KIAA1549L: variants seen among roughly 807,000 people sequenced by gnomAD.
The protein encoded by KIAA1549L is KIAA1549 like, also known as UPF0606 protein KIAA1549L.
Under a neutral mutation model 160.7 loss-of-function variants are expected in KIAA1549L, and 88 were observed. That is an observed-to-expected ratio of 0.55 (90% CI 0.46 to 0.65). The LOEUF (loss-of-function observed/expected upper bound fraction) is 0.65, where lower values mean the gene tolerates loss of function less well. KIAA1549L is among the 30% of genes least tolerant of loss of function. The pLI, the probability that KIAA1549L is intolerant of heterozygous loss-of-function variation, is 0.00. For missense variants in KIAA1549L, 2,258 were observed against 2,437.5 expected, an observed-to-expected ratio of 0.93 and a Z score of 1.55; for synonymous variants, 950 against 976.7, an observed-to-expected ratio of 0.97 and a Z score of 0.51.
intron 14 of KIAA1549L, among the ~76,000 whole-genome samples, 162 bp from the exon 15 acceptor site, chr11:33,609,587 T>G (rs936792811): frequency 6.6e-6 from 1 of 152,188 alleles, no homozygotes; most frequent in African/African-American, 2.4e-5. Context: ...TCTACTGTTG[T>G]GGGCTTGTCT....
At chr11:33,660,577 G>A (rs57215481) in intron 19 of KIAA1549L, among the ~76,000 whole-genome samples, 2 of 148,978 alleles carry the variant, frequency 1.3e-5, no homozygotes, top group East Asian at 4.0e-4. Context: ...AAAAAAAAAA[G>A]AAAGAAGACC....
At chr11:33,625,403 T>C (rs955785936) in intron 16 of KIAA1549L, among the ~76,000 whole-genome samples, 9 of 152,278 alleles carry the variant, frequency 5.9e-5, no homozygotes, top group Admixed American at 3.3e-4. Flanking sequence ...TATTTCTCCA[T>C]ATCCTCTCCA....
rs1338981058 is a variant in KIAA1549L, at chr11:33,407,246, G to A, written c.238+30357G>A. On this transcript the variant is annotated intron_variant, in intron 1 of 20. Coordinates refer to ENST00000658780, the MANE Select transcript of KIAA1549L (RefSeq NM_012194.3). ...ACTACAGGCGCCTGCCACCACGCCC[G>A]GCTAATTTTTTGTATTTTTAGTAGA... 4.8e-4 allele frequency among the ~76,000 whole-genome samples: 72 copies of A among 150,510 alleles called. 1 individual carries two copies. In the South Asian group the frequency reaches 0.013, roughly 28 times the overall value.
intron 1 of KIAA1549L, among the ~76,000 whole-genome samples, chr11:33,513,669 C>T (rs1014220652): frequency 2.6e-5 from 4 of 152,184 alleles, no homozygotes; most frequent in African/African-American, 7.2e-5. Flanking sequence ...CACAACTAGC[C>T]GCAGCTCTCT....
In KIAA1549L at chr11:33,409,725, A is replaced by G. The variant is rs529541018; in HGVS notation, c.238+32836A>G. 5.4e-4 allele frequency among the ~76,000 whole-genome samples: 81 copies of G among 150,270 alleles called. No individual in the cohort carries two copies. The South Asian group carries it at 0.015, about 28-fold the overall frequency. On this transcript the variant is annotated intron_variant, in intron 1 of 20. Coordinates refer to ENST00000658780, the MANE Select transcript of KIAA1549L (RefSeq NM_012194.3). ...CATCCATCCCCTTTCTCAATTTAAA[A>G]TGAAAACCCTACAGCTTGCTTTTCT... is the stretch of plus-strand genomic sequence containing the variant.
chr11:33,542,192 C>G lies in KIAA1549L; in HGVS notation c.629C>G (p.Ser210Ter), dbSNP rs1854042685. 1 of 646,332 alleles carries G rather than the reference C, an allele frequency of 1.5e-6. No individual in the cohort carries two copies. The highest frequency in any genetic ancestry group is 2.4e-4 in the Middle Eastern group (1 of 4,104). The allele number at this position is 646,332 out of a possible 1,614,324, so 40.0% of individuals were successfully genotyped here. A position where few individuals can be genotyped will look rare whatever the true frequency, so the allele number is the denominator to read the frequency against. Residue 210 changes from serine (S) to a stop codon, truncating the protein, a stop_gained, in exon 2 of 21, where the codon TCA becomes TGA. Transcript: ENST00000658780. LOFTEE classifies it high-confidence loss of function. ...SMLPSLSTVP[S>*]GTSFSAVPPS... is the part of the protein sequence containing the mutation. ...CTCCCCTCGTTGTCCACAGTCCCAT[C>G]AGGGACATCCTTCAGTGCTGTCCCC...
At chr11:33,621,949 A>G (rs1379052087) in intron 16 of KIAA1549L, among the ~76,000 whole-genome samples, 2 of 152,238 alleles carry the variant, frequency 1.3e-5, no homozygotes, top group Non-Finnish European at 2.9e-5. Context: ...TGAATGAAGT[A>G]GGGACTTTTA....
intron 1 of KIAA1549L, among the ~76,000 whole-genome samples, chr11:33,390,811 C>A (rs1386311327): frequency 6.6e-6 from 1 of 152,128 alleles, no homozygotes; most frequent in African/African-American, 2.4e-5. Flanking sequence ...GCCAATTTTC[C>A]TTGTATAAAT....
intron 1 of KIAA1549L, among the ~76,000 whole-genome samples, chr11:33,428,825 A>G (rs1851172598): frequency 6.6e-6 from 1 of 152,202 alleles, no homozygotes; most frequent in African/African-American, 2.4e-5. Flanking sequence ...CAGTAGTGGG[A>G]TCGCTGGGTC....
At chr11:33,428,378 T>C (rs1851163250) in intron 1 of KIAA1549L, among the ~76,000 whole-genome samples, 1 of 152,232 alleles carries the variant, frequency 6.6e-6, no homozygotes. Context: ...TATGTATACA[T>C]GTGCCATTTG....
chr11:33,434,832 T>C (rs1169147869), intron 1 of KIAA1549L, among the ~76,000 whole-genome samples: 1 of 152,212 alleles, frequency 6.6e-6, no homozygotes, highest in Non-Finnish European at 1.5e-5. Context: ...CCTAGAAATT[T>C]TACTGAGGTA....
intron 12 of KIAA1549L, among the ~76,000 whole-genome samples, chr11:33,593,980 G>A (rs1024897301): frequency 1.3e-5 from 2 of 152,100 alleles, no homozygotes; most frequent in Non-Finnish European, 2.9e-5. Context: ...CATGATTAGA[G>A]GTCCAGAAGA....
chr11:33,459,257 G>C (rs1851891466), intron 1 of KIAA1549L, among the ~76,000 whole-genome samples: 2 of 152,114 alleles, frequency 1.3e-5, no homozygotes, highest in Admixed American at 6.5e-5. Context: ...TATTTATTTT[G>C]ATCTGTACTC....
intron 1 of KIAA1549L, among the ~76,000 whole-genome samples, chr11:33,521,673 A>C (rs1465591241): frequency 6.6e-6 from 1 of 152,194 alleles, no homozygotes; most frequent in Non-Finnish European, 1.5e-5. Flanking sequence ...AGACTCTAGC[A>C]AATGATATAT....
At chr11:33,527,444 A>C (rs1460306278) in intron 1 of KIAA1549L, among the ~76,000 whole-genome samples, 1 of 152,220 alleles carries the variant, frequency 6.6e-6, no homozygotes, top group Non-Finnish European at 1.5e-5. Context: ...AAATCAACTC[A>C]AGATGGATCA....
At chr11:33,657,894 C>T (rs1186847896) in intron 18 of KIAA1549L, among the ~76,000 whole-genome samples, 1 of 152,244 alleles carries the variant, frequency 6.6e-6, no homozygotes, top group African/African-American at 2.4e-5. Context: ...TGCTCTGTGA[C>T]AGCCACTGCT....
At chr11:33,598,190 T>TTGTGTGTGTGTGTGTGTG (rs57343190) in intron 12 of KIAA1549L, among the ~76,000 whole-genome samples, 2 of 135,194 alleles carry the variant, frequency 1.5e-5, no homozygotes, top group South Asian at 2.4e-4. Context: ...GAGAGAATGT[T>TTGTGTGTGTGTGTGTGTG]TGTGTGTGTG....
intron 1 of KIAA1549L, among the ~76,000 whole-genome samples, chr11:33,488,680 C>G (rs994894684): frequency 2.0e-5 from 3 of 152,178 alleles, no homozygotes; most frequent in African/African-American, 7.2e-5. Context: ...AGTAACAGAT[C>G]AGAGGTTTGA....
chr11:33,533,238 T>A (rs1289484717), intron 1 of KIAA1549L, among the ~76,000 whole-genome samples: 1 of 152,148 alleles, frequency 6.6e-6, no homozygotes, highest in South Asian at 2.1e-4. Context: ...CTGAGTCTTG[T>A]GTACAAGAAC....
Sources: gnomAD v4.1 joint callset for allele counts (sites outside exome capture counted in the v4.1 genomes callset) on GRCh38, gnomAD v4.1.1 for gene constraint, MANE v1.5 for transcripts, NCBI Gene and HGNC (gene_info 2026-07-23, HGNC 2026-07-21) for gene names.